Variants in TGFB2 observed in about 807,000 individuals in gnomAD.
TGFB2 encodes transforming growth factor beta 2.
TGFB2 carries 13 observed loss-of-function variants against 42.7 expected under a neutral mutation model. That is an observed-to-expected ratio of 0.30 (90% CI 0.20 to 0.48). The LOEUF is 0.48. TGFB2 is among the 20% of genes least tolerant of loss of function. The pLI is 0.99. For synonymous variants in TGFB2, 193 were observed against 193.6 expected (o/e 1.00, Z 0.03); for missense variants, 390 against 517.5 (o/e 0.75, Z 2.39).
chr1:218,420,670 A>G (rs1420732940), intron 2 of TGFB2, among the ~76,000 whole-genome samples: 1 of 152,090 alleles, frequency 6.6e-6, no homozygotes, highest in Non-Finnish European at 1.5e-5. Flanking sequence ...ACTTGAAGGC[A>G]CATCTAGTGA....
intron 1 of TGFB2, among the ~76,000 whole-genome samples, chr1:218,403,292 A>G (rs1051122759): frequency 1.3e-5 from 2 of 152,116 alleles, no homozygotes; most frequent in Non-Finnish European, 2.9e-5. Context: ...CTGAACCAGT[A>G]TGGAGGAGAC....
Position 218,363,947 on chromosome 1 carries a change from G to A in TGFB2, c.346+16900G>A, listed in dbSNP as rs114844581. On this transcript the variant is annotated intron_variant, in intron 1 of 6. Coordinates refer to ENST00000366930, the MANE Select transcript of TGFB2 (RefSeq NM_003238.6). ...TGCAGTCCAGGATGGCCTTGAATGC[G>A]GCCCAATGTAAATTTGTAAATTTTC... Among the ~76,000 whole-genome samples the A allele has an allele frequency of 8.8e-3, 1,333 of 152,166 alleles. 21 individuals are homozygous for A. The highest frequency in any genetic ancestry group is 0.03 in the African/African-American group (1,259 of 41,496).
intron 2 of TGFB2, among the ~76,000 whole-genome samples, chr1:218,420,001 G>T (rs1300093150): frequency 6.6e-6 from 1 of 152,162 alleles, no homozygotes; most frequent in African/African-American, 2.4e-5. Context: ...TTAAATTATA[G>T]TACAGGCCAC....
chr1:218,346,750 G>A lies in TGFB2; in HGVS notation c.49G>A (p.Val17Ile), dbSNP rs1334873734. The A allele has an allele frequency of 6.2e-7, 1 of 1,614,004 alleles. No homozygotes were observed. Among genetic ancestry groups the A allele is most frequent in the East Asian group, 2.2e-5 (1 of 44,864 alleles). ...SAFLILHLVT[V>I]ALSLSTCSTL... ...TTTTCTGATCCTGCATCTGGTCACG[G>A]TCGCGCTCAGCCTGTCTACCTGCAG... Residue 17 changes from valine to isoleucine, a missense_variant, in exon 1 of 7, where the codon GTC becomes ATC. By Grantham distance (29) the Val-to-Ile change is conservative (BLOSUM62 3). Transcript: ENST00000366930. The surrounding 1 kb of genome is among the most constrained non-coding windows in gnomAD (Gnocchi z 4.9).
intron 1 of TGFB2, among the ~76,000 whole-genome samples, chr1:218,403,357 T>C (rs1157218146): frequency 2.0e-5 from 3 of 152,110 alleles, no homozygotes; most frequent in Non-Finnish European, 2.9e-5. Context: ...GTCACACATA[T>C]ATAGGGGAAG....
chr1:218,400,229 G>A (rs1356704661), intron 1 of TGFB2, among the ~76,000 whole-genome samples: 1 of 151,054 alleles, frequency 6.6e-6, no homozygotes, highest in Admixed American at 6.6e-5. Context: ...AAAAAAAAAA[G>A]AAAAGGAGTA....
intron 1 of TGFB2, among the ~76,000 whole-genome samples, chr1:218,392,302 G>A (rs369054142): frequency 6.6e-6 from 1 of 152,264 alleles, no homozygotes. Flanking sequence ...GCAGTGAGCC[G>A]AGATCATGCC....
intron 1 of TGFB2, among the ~76,000 whole-genome samples, chr1:218,359,065 G>T (rs1007865152): frequency 1.3e-5 from 2 of 152,130 alleles, no homozygotes; most frequent in Non-Finnish European, 2.9e-5. Context: ...TTTGGGCTCT[G>T]CAGGTTAACG....
chr1:218,370,301 C>G (rs1031721488), intron 1 of TGFB2, among the ~76,000 whole-genome samples: 8 of 152,128 alleles, frequency 5.3e-5, no homozygotes, highest in Admixed American at 1.3e-4. Context: ...TAGAAAACTG[C>G]TTATGTTTTC....
At chr1:218,369,706 A>G (rs1244653534) in intron 1 of TGFB2, among the ~76,000 whole-genome samples, 1 of 152,134 alleles carries the variant, frequency 6.6e-6, no homozygotes, top group East Asian at 1.9e-4. Flanking sequence ...GTGGCACTAT[A>G]CCCATAGCTG....
chr1:218,410,333 G>C (rs1442926095), intron 2 of TGFB2, among the ~76,000 whole-genome samples: 3 of 152,066 alleles, frequency 2.0e-5, no homozygotes, highest in African/African-American at 2.4e-5. Context: ...TCTCCACCTG[G>C]GATAGTTAGG....
At chr1:218,423,972 A>G (rs1021948909) in intron 2 of TGFB2, among the ~76,000 whole-genome samples, 4 of 152,232 alleles carry the variant, frequency 2.6e-5, no homozygotes, top group Non-Finnish European at 5.9e-5. Flanking sequence ...TCGCTACGCT[A>G]ATGATTTTCA....
chr1:218,381,356 C>T (rs541090226), intron 1 of TGFB2, among the ~76,000 whole-genome samples: 3 of 151,354 alleles, frequency 2.0e-5, no homozygotes, highest in South Asian at 4.2e-4. Flanking sequence ...CCCGGGTTCA[C>T]GCCATTCTCC....
intron 2 of TGFB2, 65 bp downstream of exon 2, chr1:218,405,397 C>T: frequency 6.2e-7 from 1 of 1,602,756 alleles, no homozygotes; most frequent in Non-Finnish European, 8.5e-7. Context: ...CTCTCTCTCT[C>T]TCTCTGTCAC....
At chr1:218,384,273 A>C (rs537037759) in intron 1 of TGFB2, among the ~76,000 whole-genome samples, 2 of 152,338 alleles carry the variant, frequency 1.3e-5, no homozygotes, top group East Asian at 3.9e-4. Flanking sequence ...TGTATGTAGG[A>C]ATGGAGTTAG....
intron 2 of TGFB2, among the ~76,000 whole-genome samples, chr1:218,418,055 G>A (rs553119852): frequency 2.0e-5 from 3 of 152,322 alleles, no homozygotes; most frequent in East Asian, 3.9e-4. Flanking sequence ...GTTTCTACTG[G>A]GGCACCACCT....
At chr1:218,433,399 A>G (rs10482805) in intron 2 of TGFB2, among the ~76,000 whole-genome samples, 2 of 152,218 alleles carry the variant, frequency 1.3e-5, no homozygotes, top group East Asian at 3.8e-4. Flanking sequence ...CTCAGTGTTT[A>G]GGCTGGTTTG....
At chr1:218,379,183 A>AGT (rs1380567781) in intron 1 of TGFB2, among the ~76,000 whole-genome samples, 3 of 141,582 alleles carry the variant, frequency 2.1e-5, no homozygotes, top group African/African-American at 8.0e-5. Context: ...CCCAGGCTGG[A>AGT]GTGCAGTGGT....
chr1:218,415,694 CAAAAGAAAAAA>C (rs1221895182), intron 2 of TGFB2, among the ~76,000 whole-genome samples: 96 of 40,150 alleles, frequency 2.4e-3, no homozygotes, highest in African/African-American at 0.011. Flanking sequence ...GACTCTGTCT[CAAAAGAAAAAA>C]AAAAAAAAAA....
Sources: gnomAD v4.1 joint callset for allele counts (sites outside exome capture counted in the v4.1 genomes callset) on GRCh38, gnomAD v4.1.1 for gene constraint, Gnocchi (gnomAD v3.1) non-coding constraint, MANE v1.5 for transcripts, NCBI Gene and HGNC (gene_info 2026-07-23, HGNC 2026-07-21) for gene names.